The following FGF12 variants were observed in gnomAD, a reference collection of about 807,000 sequenced individuals.
FGF12 encodes fibroblast growth factor 12, also known as fibroblast growth factor 12B.
Under a neutral mutation model 23.6 loss-of-function variants are expected in FGF12, and 14 were observed. The observed-to-expected ratio is 0.59, with a 90% CI of 0.39 to 0.93. FGF12 has a LOEUF of 0.93. Among genes scored for constraint, FGF12 ranks in the 40% least tolerant of loss-of-function variants. The probability of loss-of-function intolerance (pLI) is 0.00; values close to 1 mark genes in which losing one functional copy is unlikely to be tolerated. For synonymous variants in FGF12, 62 were observed against 77.3 expected (o/e 0.80, Z 1.04); for missense variants, 175 against 217.8 (o/e 0.80, Z 1.24).
At chr3:192,289,025 T>C (rs868398089) in intron 4 of FGF12, among the ~76,000 whole-genome samples, 3 of 152,138 alleles carry the variant, frequency 2.0e-5, no homozygotes, top group African/African-American at 7.2e-5. Flanking sequence ...GATACTCAAG[T>C]CTATTATCAC....
chr3:192,482,861 T>G (rs1435984591), intron 2 of FGF12, among the ~76,000 whole-genome samples: 2 of 152,190 alleles, frequency 1.3e-5, no homozygotes, highest in African/African-American at 4.8e-5. Flanking sequence ...ACATATGATT[T>G]CCACAAAATG....
chr3:192,680,183 G>A (rs1447930833), intron 2 of FGF12, among the ~76,000 whole-genome samples: 1 of 152,154 alleles, frequency 6.6e-6, no homozygotes, highest in Non-Finnish European at 1.5e-5. Flanking sequence ...GAGGAATTTT[G>A]TTGGGTCCTC....
At chr3:192,277,908 G>A (rs979923380) in intron 4 of FGF12, among the ~76,000 whole-genome samples, 4 of 152,114 alleles carry the variant, frequency 2.6e-5, no homozygotes, top group Non-Finnish European at 1.5e-5. Flanking sequence ...GAATACAGGC[G>A]CCTGCCACCA....
intron 2 of FGF12, among the ~76,000 whole-genome samples, chr3:192,400,369 C>CTTTTTT (rs5855423): frequency 1.5e-5 from 2 of 130,780 alleles, no homozygotes; most frequent in Admixed American, 7.9e-5. Flanking sequence ...ACATTCTTTT[C>CTTTTTT]TTTTTTTTTT....
intron 2 of FGF12, among the ~76,000 whole-genome samples, chr3:192,575,513 G>C (rs989001372): frequency 2.6e-5 from 4 of 152,118 alleles, no homozygotes; most frequent in African/African-American, 9.7e-5. Flanking sequence ...GGAGGAGGAG[G>C]AGAAGAAAGA....
At chr3:192,567,910 A>G (rs781406) in intron 2 of FGF12, among the ~76,000 whole-genome samples, 147,277 of 151,164 alleles carry the variant, frequency 0.97, 71,769 homozygotes, top group East Asian at 1. Flanking sequence ...TTGGCTCACT[A>G]CAACTTCCCC....
chr3:192,631,962 T>C (rs917252037), intron 2 of FGF12, among the ~76,000 whole-genome samples: 1 of 152,180 alleles, frequency 6.6e-6, no homozygotes, highest in Non-Finnish European at 1.5e-5. Context: ...TACATATTAG[T>C]AAATCACTGA....
intron 2 of FGF12, among the ~76,000 whole-genome samples, chr3:192,653,996 G>C (rs143951494): frequency 4.3e-4 from 66 of 152,282 alleles, no homozygotes; most frequent in African/African-American, 1.5e-3. Context: ...AAAATGCTGG[G>C]ATTACAGGCA....
At chr3:192,590,909 T>C (rs1046714050) in intron 2 of FGF12, among the ~76,000 whole-genome samples, 3 of 151,832 alleles carry the variant, frequency 2.0e-5, no homozygotes, top group African/African-American at 7.2e-5. Context: ...ATAAACCTTG[T>C]TCTGCTCCCC....
At chr3:192,696,389 T>C (rs1243499785) in intron 2 of FGF12, among the ~76,000 whole-genome samples, 2 of 152,130 alleles carry the variant, frequency 1.3e-5, no homozygotes, top group Non-Finnish European at 2.9e-5. Context: ...GCAGAGCTTT[T>C]CAGTGTGTTT....
At chr3:192,320,516 C>A (rs1344790186) in intron 4 of FGF12, among the ~76,000 whole-genome samples, 1 of 152,114 alleles carries the variant, frequency 6.6e-6, no homozygotes, top group Non-Finnish European at 1.5e-5. Context: ...ATACATTCTT[C>A]TCAGCACATG....
rs149094754 is a variant in FGF12 at position 192,606,541 on chromosome 3, AAAT to A, written c.13+120637_13+120639del. 5.5e-3 allele frequency among the ~76,000 whole-genome samples: 839 copies of A among 152,228 alleles called. 7 individuals are homozygous for A. Among genetic ancestry groups the A allele is most frequent in the African/African-American group, 0.02 (811 of 41,530 alleles). On this transcript the variant is annotated intron_variant, in intron 2 of 5. Coordinates refer to ENST00000445105, the MANE Select transcript of FGF12 (RefSeq NM_004113.6). Reference sequence around the variant, plus strand: ...CATCTAAAATAAAAGTTGAAATTTAAAATAATAATAATAAATTAGTGCACATTA... The same window carrying A: ...CATCTAAAATAAAAGTTGAAATTTAAAATAATAATAAATTAGTGCACATTA...
intron 2 of FGF12, among the ~76,000 whole-genome samples, chr3:192,466,925 GA>G (rs546149303): frequency 2.0e-5 from 3 of 151,642 alleles, no homozygotes; most frequent in East Asian, 1.9e-4. Flanking sequence ...AGCGAAATGA[GA>G]AAAAAAAGTA....
chr3:192,293,767 G>T (rs1420228957), intron 4 of FGF12, among the ~76,000 whole-genome samples: 1 of 152,076 alleles, frequency 6.6e-6, no homozygotes, highest in Non-Finnish European at 1.5e-5. Flanking sequence ...CCTAGTTCTT[G>T]CTTATCTTCA....
chr3:192,461,722 C>T (rs1012144742), intron 2 of FGF12, among the ~76,000 whole-genome samples: 3 of 152,086 alleles, frequency 2.0e-5, no homozygotes, highest in Non-Finnish European at 4.4e-5. Context: ...GGCACGGTGG[C>T]TCATACCTGT....
At chr3:192,610,539 T>C (rs1274873825) in intron 2 of FGF12, among the ~76,000 whole-genome samples, 1 of 152,052 alleles carries the variant, frequency 6.6e-6, no homozygotes, top group Non-Finnish European at 1.5e-5. Flanking sequence ...ATTATTGCAA[T>C]TGCTTTCTGC....
intron 4 of FGF12, among the ~76,000 whole-genome samples, chr3:192,222,572 A>T (rs1374799151): frequency 6.6e-6 from 1 of 152,184 alleles, no homozygotes; most frequent in Admixed American, 6.5e-5. Flanking sequence ...GTTGGCAGAT[A>T]CCAATTGAAT....
intron 2 of FGF12, among the ~76,000 whole-genome samples, chr3:192,512,859 T>TATATATATATATATAA (rs376386122): frequency 0.12 from 6,771 of 56,854 alleles, 637 homozygotes; most frequent in Non-Finnish European, 0.16. Context: ...TATATATATA[T>TATATATATATATATAA]AACAGGCTAT....
At chr3:192,447,675 A>G (rs991228044) in intron 2 of FGF12, among the ~76,000 whole-genome samples, 2 of 152,202 alleles carry the variant, frequency 1.3e-5, no homozygotes, top group Non-Finnish European at 2.9e-5. Flanking sequence ...CGTAATGACT[A>G]CTTAACATTA....
Sources: gnomAD v4.1 joint callset for allele counts (sites outside exome capture counted in the v4.1 genomes callset) on GRCh38, gnomAD v4.1.1 for gene constraint, MANE v1.5 for transcripts, NCBI Gene and HGNC (gene_info 2026-07-23, HGNC 2026-07-21) for gene names.